The following MYO3B variants were observed in gnomAD, a reference collection of about 807,000 sequenced individuals.
MYO3B encodes the protein myosin-IIIb.
In MYO3B, 156 loss-of-function variants were observed where a neutral mutation model predicts 174.6. The ratio of observed to expected loss-of-function variants is 0.89; its 90% confidence interval spans 0.78 to 1.02. MYO3B has a LOEUF of 1.02. Among genes scored for constraint, MYO3B ranks in the 50% least tolerant of loss-of-function variants. The pLI is 0.00. For synonymous variants in MYO3B, 563 were observed against 569.1 expected (o/e 0.99, Z 0.15); for missense variants, 1,632 against 1,639.4 (o/e 1.00, Z 0.08).
At chr2:170,334,514 A>G (rs1574805113) in intron 7 of MYO3B, 1 of 152,224 alleles carries the variant, frequency 6.6e-6, no homozygotes, top group African/African-American at 2.4e-5. Context: ...TTTAAAATTT[A>G]CAGCCATAAT....
rs539850857 is a variant in MYO3B, at chr2:170,594,176, A to G, written c.3733+50188A>G. 2.0e-5 allele frequency among the ~76,000 whole-genome samples: 3 copies of G among 152,246 alleles called. No homozygotes were observed. In the South Asian group the frequency reaches 6.2e-4, roughly 32 times the overall value. The stretch of plus-strand genomic sequence containing the variant: ...ACTGTAATTGGTCCAGAGTAGGACA[A>G]ATGCCTCAAGTTAGGCCTCTCTGAG... On this transcript the variant is annotated intron_variant, in intron 32 of 34. Transcript: ENST00000408978.
intron 7 of MYO3B, among the ~76,000 whole-genome samples, chr2:170,327,735 C>T (rs969123009): frequency 3.3e-5 from 5 of 151,812 alleles, no homozygotes; most frequent in South Asian, 4.1e-4. Context: ...CATTTAATGA[C>T]GGTATAGTAT....
At chr2:170,522,731 C>T (rs1688763067) in intron 30 of MYO3B, among the ~76,000 whole-genome samples, 1 of 152,166 alleles carries the variant, frequency 6.6e-6, no homozygotes, top group African/African-American at 2.4e-5. Context: ...TACCGGTGCA[C>T]CTTCCTCTCT....
chr2:170,405,627 T>C lies in MYO3B; in HGVS notation c.2514T>C (p.Ala838=). 6.2e-7 allele frequency: 1 copy of C among 1,614,140 alleles called. No homozygotes were observed. Among genetic ancestry groups the C allele is most frequent in the Non-Finnish European group, 8.5e-7 (1 of 1,179,962 alleles). Residue 838 remains alanine (A), a synonymous_variant, in exon 21 of 35, where the codon GCT becomes GCC. Transcript: ENST00000408978. The part of the protein sequence containing the change: ...VELCFGIQHY[A]GKVLYDASGV... Reference sequence around the variant, plus strand: ...TGTGCTTTGGCATTCAGCATTATGCTGGAAAGGTGAGGCCAGTGTGACAGT... The same window carrying C: ...TGTGCTTTGGCATTCAGCATTATGCCGGAAAGGTGAGGCCAGTGTGACAGT...
chr2:170,313,921 C>T (rs940554812), intron 7 of MYO3B, among the ~76,000 whole-genome samples: 2 of 152,148 alleles, frequency 1.3e-5, no homozygotes, highest in African/African-American at 4.8e-5. Flanking sequence ...TACCTCATGA[C>T]TCACACACAG....
At position 170,611,400 on chromosome 2, in the gene MYO3B, C is replaced by A. The variant is rs572290134; in HGVS notation, c.3734-40228C>A. Among the ~76,000 whole-genome samples, 9 of 152,182 alleles carry A rather than the reference C, an allele frequency of 5.9e-5. No individual in the cohort carries two copies. The East Asian group carries it at 1.7e-3, about 29-fold the overall frequency. ...CAGAGTCATTTTGGCAAAATAGAAT[C>A]CCCAAAGACCAGCCCCTGGAATAAC... On this transcript the variant is annotated intron_variant, in intron 32 of 34. Coordinates refer to ENST00000408978, the MANE Select transcript of MYO3B (RefSeq NM_138995.5).
intron 3 of MYO3B, among the ~76,000 whole-genome samples, chr2:170,209,273 G>T (rs1377603945): frequency 6.6e-6 from 1 of 152,218 alleles, no homozygotes; most frequent in Non-Finnish European, 1.5e-5. Context: ...GGGGAAGCCA[G>T]GCAGAGAGGG....
chr2:170,339,800 T>C (rs1441326659), intron 8 of MYO3B, among the ~76,000 whole-genome samples: 1 of 152,260 alleles, frequency 6.6e-6, no homozygotes, highest in Non-Finnish European at 1.5e-5. Flanking sequence ...TGTCAAAGCA[T>C]GATTCCTGAC....
At chr2:170,386,936 G>A (rs1017011616) in intron 13 of MYO3B, among the ~76,000 whole-genome samples, 170 bp from the exon 14 acceptor site, 1 of 152,218 alleles carries the variant, frequency 6.6e-6, no homozygotes, top group African/African-American at 2.4e-5. Context: ...TGCAGATCTG[G>A]GGAGTTGCTC....
At chr2:170,385,507 T>C (rs1490231728) in intron 12 of MYO3B, among the ~76,000 whole-genome samples, 1 of 152,168 alleles carries the variant, frequency 6.6e-6, no homozygotes, top group Non-Finnish European at 1.5e-5. Context: ...ATATATAATT[T>C]TTATTATACC....
At chr2:170,491,629 C>G (rs1360059476) in intron 25 of MYO3B, among the ~76,000 whole-genome samples, 16 of 152,276 alleles carry the variant, frequency 1.1e-4, no homozygotes, top group South Asian at 8.3e-4. Context: ...GTTTCACCCC[C>G]TTAGCCAGGA....
rs746883116 is a variant in MYO3B at position 170,543,852 on chromosome 2, A to G, written c.3637-40A>G. 3.9e-6 allele frequency: 6 copies of G among 1,537,450 alleles called. No homozygotes were observed. In the African/African-American group the frequency reaches 4.1e-5, roughly 10 times the overall value. Reference sequence around the variant, plus strand: ...CATGTCCTTAAGGCTGTTTCATCAGAGGATAAGAATAATATTTCTCTTACT... The same window carrying G: ...CATGTCCTTAAGGCTGTTTCATCAGGGGATAAGAATAATATTTCTCTTACT... On this transcript the variant is annotated intron_variant, in intron 31 of 34. Coordinates refer to ENST00000408978, the MANE Select transcript of MYO3B (RefSeq NM_138995.5).
At chr2:170,585,136 C>G (rs1693415334) in intron 32 of MYO3B, among the ~76,000 whole-genome samples, 1 of 152,170 alleles carries the variant, frequency 6.6e-6, no homozygotes, top group Non-Finnish European at 1.5e-5. Context: ...TTAAAGTTCT[C>G]CAGATGACTC....
intron 25 of MYO3B, among the ~76,000 whole-genome samples, chr2:170,473,770 A>T (rs546149521): frequency 8.5e-5 from 13 of 152,224 alleles, no homozygotes; most frequent in African/African-American, 3.1e-4. Flanking sequence ...TTTTTTCGAA[A>T]TCCAAAGAGA....
In MYO3B at chr2:170,375,646, C is replaced by T. The variant is rs143317404; in HGVS notation, c.971+6269C>T. Among the ~76,000 whole-genome samples, 1,226 of 151,966 alleles carry T rather than the reference C, an allele frequency of 8.1e-3. 6 individuals are homozygous for T. The highest frequency in any genetic ancestry group is 0.029 in the South Asian group (141 of 4,814). ...ATGACCTTTAAAAACAGATTTCTCACTATTTAACTGCTAGTTTTCCCCAGT... is the reference window on the plus strand; with the variant it reads ...ATGACCTTTAAAAACAGATTTCTCATTATTTAACTGCTAGTTTTCCCCAGT... On this transcript the variant is annotated intron_variant, in intron 9 of 34. Coordinates refer to ENST00000408978, the MANE Select transcript of MYO3B (RefSeq NM_138995.5).
chr2:170,643,034 G>GAA (rs397726002), intron 32 of MYO3B, among the ~76,000 whole-genome samples: 13 of 139,430 alleles, frequency 9.3e-5, no homozygotes, highest in African/African-American at 3.1e-4. Context: ...AAAGAGATTT[G>GAA]AAAAAAAAAA....
intron 1 of MYO3B, among the ~76,000 whole-genome samples, chr2:170,179,740 C>G (rs1367405367): frequency 1.3e-5 from 2 of 152,186 alleles, no homozygotes; most frequent in Non-Finnish European, 2.9e-5. Context: ...ATGATGCAGT[C>G]TGTGGTATTC....
At chr2:170,215,371 AT>A (rs1359941072) in intron 5 of MYO3B, among the ~76,000 whole-genome samples, 1 of 152,196 alleles carries the variant, frequency 6.6e-6, no homozygotes, top group Non-Finnish European at 1.5e-5. Flanking sequence ...GCAGGGCAAT[AT>A]CACCTAAGGC....
chr2:170,533,834 C>T (rs535944049), intron 30 of MYO3B, among the ~76,000 whole-genome samples: 56 of 152,110 alleles, frequency 3.7e-4, no homozygotes, highest in African/African-American at 1.3e-3. Context: ...TTGTTCTGCC[C>T]AGGAGAACAA....
Sources: allele counts gnomAD v4.1 joint callset (sites outside exome capture counted in the v4.1 genomes callset), GRCh38; gene constraint gnomAD v4.1.1; transcripts MANE v1.5; gene names NCBI Gene and HGNC (gene_info 2026-07-23, HGNC 2026-07-21).